Variants in ZMYM4 observed in about 807,000 individuals in gnomAD.
ZMYM4 encodes zinc finger MYM-type containing 4.
A neutral mutation model predicts 183.2 loss-of-function variants in ZMYM4; 31 were observed. The observed-to-expected ratio is 0.17, with a 90% confidence interval of 0.13 to 0.23. ZMYM4 has a LOEUF of 0.23. Among genes scored for constraint, ZMYM4 ranks in the 10% least tolerant of loss-of-function variants. The pLI is 1.00. For synonymous variants in ZMYM4, 592 were observed against 631.2 expected (o/e 0.94, Z 0.93); for missense variants, 1,273 against 1,840.3 (o/e 0.69, Z 5.64).
intron 2 of ZMYM4, among the ~76,000 whole-genome samples, chr1:35,355,603 T>A (rs1260008790): frequency 6.6e-6 from 1 of 152,288 alleles, no homozygotes; most frequent in South Asian, 2.1e-4. Flanking sequence ...CAGTTTATCT[T>A]TTTATCTTTT....
chr1:35,380,135 A>T (rs912552993), intron 7 of ZMYM4, among the ~76,000 whole-genome samples: 1 of 152,292 alleles, frequency 6.6e-6, no homozygotes, highest in East Asian at 1.9e-4. Flanking sequence ...GCACAATAAA[A>T]CAAGGTATGC....
intron 2 of ZMYM4, among the ~76,000 whole-genome samples, chr1:35,326,069 A>G (rs1444359304): frequency 6.6e-6 from 1 of 152,096 alleles, no homozygotes; most frequent in Non-Finnish European, 1.5e-5. Flanking sequence ...ATTTTATTGT[A>G]TGGCTGTATA....
intron 2 of ZMYM4, chr1:35,350,793 A>G (rs1187719387): frequency 1.0e-5 from 5 of 493,916 alleles, no homozygotes; most frequent in South Asian, 2.1e-5. Context: ...GAAGATGACG[A>G]GAGGGTAAAA....
At chr1:35,363,257 G>A (rs1245916093) in intron 5 of ZMYM4, among the ~76,000 whole-genome samples, 1 of 152,140 alleles carries the variant, frequency 6.6e-6, no homozygotes, top group Admixed American at 6.5e-5. Flanking sequence ...TGGGTTTACA[G>A]ACGTGAGCCA....
chr1:35,403,620 A>G (rs140011982), intron 23 of ZMYM4, among the ~76,000 whole-genome samples: 52 of 152,190 alleles, frequency 3.4e-4, no homozygotes, highest in Admixed American at 2.7e-3. Context: ...TTCAAGACAT[A>G]TTTATCTGTA....
At chr1:35,329,156 C>T (rs532457098) in intron 2 of ZMYM4, among the ~76,000 whole-genome samples, 14 of 152,296 alleles carry the variant, frequency 9.2e-5, no homozygotes, top group African/African-American at 3.4e-4. Context: ...CTAGTTTAAA[C>T]ATGAAAAATC....
In ZMYM4 at chr1:35,408,007, G is replaced by C. The variant is rs2149030751; in HGVS notation, c.3797-1G>C. On this transcript the variant is annotated splice_acceptor_variant, in intron 25 of 29. Transcript: ENST00000314607. LOFTEE classifies it high-confidence loss of function. ...TTCAGATGTTTTCTACCTTTCCACA[G>C]TCCGCTCTATCAAGCTGAAGGAAGA... The C allele has an allele frequency of 6.2e-7, 1 of 1,614,158 alleles. No individual in the cohort carries two copies. Among genetic ancestry groups the C allele is most frequent in the Middle Eastern group, 1.6e-4 (1 of 6,062 alleles).
chr1:35,321,579 A>T (rs1642283294), intron 1 of ZMYM4, among the ~76,000 whole-genome samples: 1 of 149,174 alleles, frequency 6.7e-6, no homozygotes, highest in African/African-American at 2.5e-5. Context: ...TTCTTGGGAG[A>T]CTTTCAGAGC....
chr1:35,273,154 A>G (rs1240194093), intron 1 of ZMYM4, among the ~76,000 whole-genome samples: 4 of 152,136 alleles, frequency 2.6e-5, no homozygotes, highest in Non-Finnish European at 5.9e-5. Flanking sequence ...ATTTGTGAAC[A>G]CGGGGGAGCT....
At chr1:35,417,643 C>T (rs1293120020) in intron 28 of ZMYM4, among the ~76,000 whole-genome samples, 3 of 151,944 alleles carry the variant, frequency 2.0e-5, no homozygotes, top group East Asian at 1.9e-4. Flanking sequence ...TTCAAGGCTG[C>T]GGAGATTCAA....
Position 35,386,204 on chromosome 1 carries a change from A to G in ZMYM4, c.1836+15A>G. 1 of 1,591,708 alleles carries G rather than the reference A, an allele frequency of 6.3e-7. No homozygotes were observed. The highest frequency in any genetic ancestry group is 8.6e-7 in the Non-Finnish European group (1 of 1,160,998). ...TAGCTTTCCAGGTATGGCTTCAGGA[A>G]CCTTCCTCTTCTTCAGTCAGTGAGT... On this transcript the variant is annotated intron_variant, in intron 11 of 29. Coordinates refer to ENST00000314607, the MANE Select transcript of ZMYM4 (RefSeq NM_005095.3).
At chr1:35,397,628 C>A in intron 20 of ZMYM4, 83 bp downstream of exon 20, 1 of 1,258,980 alleles carries the variant, frequency 7.9e-7, no homozygotes. Context: ...AAGTATAAGA[C>A]AGGGTGTTTC....
chr1:35,418,869 A>T (rs928594342), intron 29 of ZMYM4, among the ~76,000 whole-genome samples: 1 of 152,240 alleles, frequency 6.6e-6, no homozygotes, highest in East Asian at 1.9e-4. Flanking sequence ...TGTTATTTGT[A>T]TAGAAAAGAA....
intron 1 of ZMYM4, among the ~76,000 whole-genome samples, chr1:35,312,891 T>C (rs997592663): frequency 4.6e-5 from 7 of 152,068 alleles, no homozygotes; most frequent in Non-Finnish European, 1.0e-4. Context: ...CTAATTTCTT[T>C]TATTATTATT....
intron 13 of ZMYM4, 28 bp from the exon 14 acceptor site, chr1:35,388,882 T>C (rs369235593): frequency 1.2e-6 from 2 of 1,608,578 alleles, no homozygotes; most frequent in Non-Finnish European, 1.7e-6. Flanking sequence ...TTCTACCTAA[T>C]GTTAATTTTA....
At chr1:35,399,129 A>G (rs918274714) in intron 22 of ZMYM4, 86 bp downstream of exon 22, 91 of 1,309,420 alleles carry the variant, frequency 6.9e-5, no homozygotes, top group Middle Eastern at 3.8e-4. Flanking sequence ...AGCAGTGCCA[A>G]TTGTTATTGA....
At chr1:35,366,394 T>C (rs1644080336) in intron 5 of ZMYM4, among the ~76,000 whole-genome samples, 1 of 152,208 alleles carries the variant, frequency 6.6e-6, no homozygotes, top group Non-Finnish European at 1.5e-5. Flanking sequence ...GATGTCATCG[T>C]TATTATTTAA....
At chr1:35,302,378 CTTTTTTT>C (rs1179477732) in intron 1 of ZMYM4, among the ~76,000 whole-genome samples, 1,701 of 86,174 alleles carry the variant, frequency 0.02, 45 homozygotes, top group African/African-American at 0.076. Context: ...GCTAATTTGA[CTTTTTTT>C]TTTTTTTTTT....
In ZMYM4 at chr1:35,388,959, C is replaced by T. The variant is rs1397642643; in HGVS notation, c.2313C>T (p.His771=). 19 of 1,614,078 alleles carry T rather than the reference C, an allele frequency of 1.2e-5. No homozygotes were observed. Among genetic ancestry groups the T allele is most frequent in the Non-Finnish European group, 1.6e-5 (19 of 1,180,002 alleles). The change falls in exon 14 of 30, where the codon CAC becomes CAT. Residue 771 remains histidine (H), a synonymous_variant. Transcript: ENST00000314607. ...ACTTGGCAAAACGCTGGGGAAATCA[C>T]TGTAAAATGTGCAGTTATTGTTTAC... ...KHDLAKRWGN[H]CKMCSYCLQT...
Sources: gnomAD v4.1 joint callset for allele counts (sites outside exome capture counted in the v4.1 genomes callset) on GRCh38, gnomAD v4.1.1 for gene constraint, MANE v1.5 for transcripts, NCBI Gene and HGNC (gene_info 2026-07-23, HGNC 2026-07-21) for gene names.